The following GRB14 variants were observed in gnomAD, a reference collection of about 807,000 sequenced individuals.
GRB14 encodes growth factor receptor bound protein 14.
A neutral mutation model predicts 69.1 loss-of-function variants in GRB14; 38 were observed. The observed-to-expected ratio is 0.55, with a 90% confidence interval of 0.42 to 0.72. GRB14 has a LOEUF of 0.72. GRB14 is among the 30% of genes least tolerant of loss of function. The pLI, the probability that GRB14 is intolerant of heterozygous loss-of-function variation, is 0.00. For synonymous variants in GRB14, 247 were observed against 241.3 expected (o/e 1.02, Z -0.22); for missense variants, 666 against 666.1 (o/e 1.00, Z 0.00).
intron 6 of GRB14, among the ~76,000 whole-genome samples, chr2:164,519,015 A>C (rs1205259679): frequency 6.6e-6 from 1 of 152,202 alleles, no homozygotes; most frequent in Non-Finnish European, 1.5e-5. Context: ...CCCCTATATC[A>C]TTCTATGAAG....
chr2:164,496,311 G>A (rs1686891757), intron 12 of GRB14, among the ~76,000 whole-genome samples: 1 of 152,044 alleles, frequency 6.6e-6, no homozygotes, highest in Admixed American at 6.5e-5. Flanking sequence ...ATTTGGAAAG[G>A]GAATTCAGCC....
At chr2:164,593,110 T>C (rs7568923) in intron 2 of GRB14, among the ~76,000 whole-genome samples, 50,387 of 152,170 alleles carry the variant, frequency 0.33, 13,379 homozygotes, top group African/African-American at 0.74. Context: ...TAGAATATGC[T>C]TATAATAAAC....
intron 2 of GRB14, among the ~76,000 whole-genome samples, chr2:164,574,339 T>A (rs951309879): frequency 6.6e-6 from 1 of 151,838 alleles, no homozygotes; most frequent in Non-Finnish European, 1.5e-5. Flanking sequence ...CCTCCCGGGT[T>A]CAAGTGATTC....
At chr2:164,546,727 C>T (rs928134300) in intron 3 of GRB14, among the ~76,000 whole-genome samples, 2 of 152,182 alleles carry the variant, frequency 1.3e-5, no homozygotes, top group African/African-American at 2.4e-5. Flanking sequence ...TAGGAAGCAT[C>T]GTGATTGCCT....
intron 3 of GRB14, among the ~76,000 whole-genome samples, chr2:164,546,855 T>G (rs1017511806): frequency 1.3e-5 from 2 of 152,154 alleles, no homozygotes; most frequent in African/African-American, 4.8e-5. Flanking sequence ...TCAGAGTGGC[T>G]GTTCAGCAGC....
intron 2 of GRB14, 107 bp from the exon 3 acceptor site, chr2:164,547,923 A>G: frequency 1.5e-5 from 10 of 645,578 alleles, no homozygotes; most frequent in Non-Finnish European, 2.4e-5. Flanking sequence ...TGAGATATAT[A>G]TAAATAAATA....
At chr2:164,549,641 T>TCA (rs1688474979) in intron 2 of GRB14, among the ~76,000 whole-genome samples, 1 of 152,012 alleles carries the variant, frequency 6.6e-6, no homozygotes, top group African/African-American at 2.4e-5. Flanking sequence ...GGCAGGCGGA[T>TCA]CACATGAGGT....
At chr2:164,544,651 G>A (rs896998921) in intron 3 of GRB14, among the ~76,000 whole-genome samples, 1 of 152,186 alleles carries the variant, frequency 6.6e-6, no homozygotes, top group Non-Finnish European at 1.5e-5. Context: ...ATATTGGCCA[G>A]TATGACATAC....
At chr2:164,536,046 C>G (rs1355185637) in intron 3 of GRB14, among the ~76,000 whole-genome samples, 1 of 152,216 alleles carries the variant, frequency 6.6e-6, no homozygotes, top group African/African-American at 2.4e-5. Context: ...TCACAGCATT[C>G]TTTGAGGACT....
intron 2 of GRB14, among the ~76,000 whole-genome samples, chr2:164,616,719 A>G (rs1311482109): frequency 6.6e-6 from 1 of 152,212 alleles, no homozygotes; most frequent in East Asian, 1.9e-4. Flanking sequence ...TTTTCTGGTC[A>G]TTGATTTGTA....
intron 3 of GRB14, among the ~76,000 whole-genome samples, chr2:164,540,710 G>C (rs548603158): frequency 6.6e-6 from 1 of 152,080 alleles, no homozygotes; most frequent in South Asian, 2.1e-4. Context: ...CATCCTCTAC[G>C]GGATAACAAA....
At chr2:164,514,042 T>C (rs373411188) in intron 6 of GRB14, among the ~76,000 whole-genome samples, 30 of 152,364 alleles carry the variant, frequency 2.0e-4, no homozygotes, top group African/African-American at 5.0e-4. Context: ...TGCACATGTG[T>C]ATCTATGTAA....
intron 3 of GRB14, among the ~76,000 whole-genome samples, chr2:164,530,458 T>C (rs1169451996): frequency 6.6e-6 from 1 of 151,928 alleles, no homozygotes; most frequent in East Asian, 1.9e-4. Context: ...ACCATAATAG[T>C]GGTGATAAAC....
intron 2 of GRB14, among the ~76,000 whole-genome samples, chr2:164,606,871 C>G (rs1293429690): frequency 6.6e-6 from 1 of 152,194 alleles, no homozygotes; most frequent in African/African-American, 2.4e-5. Flanking sequence ...ATATGTCACC[C>G]TTCCCAGGAA....
chr2:164,593,312 A>T (rs1379049940), intron 2 of GRB14, among the ~76,000 whole-genome samples: 2 of 152,120 alleles, frequency 1.3e-5, no homozygotes, highest in African/African-American at 4.8e-5. Flanking sequence ...CATTCTGACT[A>T]CTAAAAAAAT....
At chr2:164,589,555 AAGG>A (rs1689611781) in intron 2 of GRB14, among the ~76,000 whole-genome samples, 1 of 152,068 alleles carries the variant, frequency 6.6e-6, no homozygotes, top group Non-Finnish European at 1.5e-5. Flanking sequence ...AAGAGAGAGA[AAGG>A]AGGTGTCAGG....
At chr2:164,560,797 A>C (rs1035000236) in intron 2 of GRB14, among the ~76,000 whole-genome samples, 1 of 152,184 alleles carries the variant, frequency 6.6e-6, no homozygotes, top group Admixed American at 6.6e-5. Context: ...GTATACGTTC[A>C]AATATGCATG....
Position 164,522,132 on chromosome 2 carries a change from A to G in GRB14, c.679-15T>C. ...CTCAGAAACATCTGAAAGAAAATTT[A>G]TATATTTTCAAACTATGATTAAATC... On this transcript the variant is annotated splice_polypyrimidine_tract_variant and intron_variant, in intron 5 of 13. Coordinates refer to ENST00000263915, the MANE Select transcript of GRB14 (RefSeq NM_004490.3). The G allele has an allele frequency of 6.8e-7, 1 of 1,467,448 alleles. No individual in the cohort carries two copies. Among genetic ancestry groups the G allele is most frequent in the East Asian group, 2.3e-5 (1 of 43,936 alleles). 90.9% of individuals were successfully genotyped at this position (1,467,448 alleles called of 1,614,324 possible). A position where few individuals can be genotyped will look rare whatever the true frequency, so the allele number is the denominator to read the frequency against.
intron 3 of GRB14, among the ~76,000 whole-genome samples, chr2:164,530,890 G>C (rs913277340): frequency 1.3e-5 from 2 of 152,132 alleles, no homozygotes; most frequent in African/African-American, 4.8e-5. Context: ...TCACACTGTG[G>C]AGCAGAAAAC....
Sources: allele counts gnomAD v4.1 joint callset (sites outside exome capture counted in the v4.1 genomes callset), GRCh38; gene constraint gnomAD v4.1.1; transcripts MANE v1.5; gene names NCBI Gene and HGNC (gene_info 2026-07-23, HGNC 2026-07-21).